The following LONRF1 variants were observed in gnomAD, a reference collection of about 807,000 sequenced individuals.
The protein encoded by LONRF1 is LON peptidase N-terminal domain and ring finger 1.
Under a neutral mutation model 85.8 loss-of-function variants are expected in LONRF1, and 37 were observed. The observed-to-expected ratio is 0.43, with a 90% CI of 0.33 to 0.57. LONRF1 has a LOEUF of 0.57. Ranked by LOEUF, LONRF1 falls within the 20% of genes least tolerant of loss-of-function variation. The probability of loss-of-function intolerance (pLI) is 0.04; values close to 1 mark genes in which losing one functional copy is unlikely to be tolerated. For synonymous variants in LONRF1, 517 were observed against 390.1 expected, an observed-to-expected ratio of 1.33 and a Z score of -3.83; for missense variants, 1,036 against 978.0, an observed-to-expected ratio of 1.06 and a Z score of -0.79.
chr8:12,743,337 C>G, intron 1 of LONRF1, 55 bp from the exon 2 acceptor site: 1 of 1,062,554 alleles, frequency 9.4e-7, no homozygotes, highest in South Asian at 1.4e-5. Flanking sequence ...ATTACATAAT[C>G]TACAAAATAT....
intron 7 of LONRF1, 35 bp downstream of exon 7, chr8:12,735,251 A>C: frequency 7.1e-7 from 1 of 1,417,294 alleles, no homozygotes. Flanking sequence ...TGCCAAACTT[A>C]AGACCAACAA....
intron 8 of LONRF1, among the ~76,000 whole-genome samples, chr8:12,730,267 T>G (rs1053620655): frequency 5.3e-5 from 8 of 152,198 alleles, no homozygotes; most frequent in African/African-American, 1.9e-4. Flanking sequence ...TAGATACTGA[T>G]CATGAATAAC....
At chr8:12,728,795 G>T in intron 10 of LONRF1, 106 bp downstream of exon 10, 2 of 1,248,566 alleles carry the variant, frequency 1.6e-6, no homozygotes, top group Non-Finnish European at 2.3e-6. Flanking sequence ...TGGTAAGGCT[G>T]TCTGATAAGA....
chr8:12,735,666 T>C, intron 6 of LONRF1: 1 of 338,064 alleles, frequency 3.0e-6, no homozygotes, highest in Non-Finnish European at 5.4e-6. Flanking sequence ...CTGGACACTA[T>C]GGCTACTAAT....
Position 12,737,981 on chromosome 8 carries a change from G to T in LONRF1, c.1113+14C>A, listed in dbSNP as rs779781330. 6.3e-7 allele frequency: 1 copy of T among 1,593,980 alleles called. No homozygotes were observed. Among genetic ancestry groups the T allele is most frequent in the African/African-American group, 1.4e-5 (1 of 73,782 alleles). ...GATACGCTAAACTCATGATAACCTT[G>T]TCTCACCCCGTACCTGCTTTGGGCT... On this transcript the variant is annotated intron_variant, in intron 4 of 11. Transcript: ENST00000398246.
At chr8:12,728,070 C>A (rs1798388684) in intron 10 of LONRF1, among the ~76,000 whole-genome samples, 2 of 152,118 alleles carry the variant, frequency 1.3e-5, no homozygotes, top group African/African-American at 4.8e-5. Flanking sequence ...TACCTAATGC[C>A]AATATCCAAT....
At chr8:12,723,400 TA>T (rs759357957) in intron 11 of LONRF1, 146 bp from the exon 12 acceptor site, 6 of 678,192 alleles carry the variant, frequency 8.8e-6, no homozygotes, top group Non-Finnish European at 1.4e-5. Context: ...ATGCAAAGTA[TA>T]AAATGGGAGA....
At chr8:12,748,901 G>C (rs1799270294) in intron 1 of LONRF1, among the ~76,000 whole-genome samples, 1 of 150,672 alleles carries the variant, frequency 6.6e-6, no homozygotes, top group African/African-American at 2.4e-5. Flanking sequence ...ATAAGCTGTT[G>C]ATCATTGATT....
At chr8:12,750,844 T>C (rs923232313) in intron 1 of LONRF1, among the ~76,000 whole-genome samples, 1 of 152,224 alleles carries the variant, frequency 6.6e-6, no homozygotes, top group Non-Finnish European at 1.5e-5. Context: ...TTGCAAGGTT[T>C]AGATTCCACT....
In LONRF1 at chr8:12,754,877, G is replaced by A. The variant is rs975934311; in HGVS notation, c.544C>T (p.Leu182=). The A allele has an allele frequency of 2.0e-6, 3 of 1,493,746 alleles. No homozygotes were observed. The highest frequency in any genetic ancestry group is 1.5e-5 in the African/African-American group (1 of 68,418). 92.5% of individuals were successfully genotyped at this position (1,493,746 alleles called of 1,614,324 possible). Residue 182 remains leucine (L), a synonymous_variant, in exon 1 of 12, where the codon CTG becomes TTG. Transcript: ENST00000398246. ...AEGTAPRPPP[L]AAAIAASDFR... ...TCTGAAGCGGCGATGGCGGCGGCCA[G>A]AGGCGGCGGCCGCGGGGCGGTCCCT...
Position 12,731,731 on chromosome 8 carries a change from CTT to C in LONRF1, c.1688+3_1688+4del, listed in dbSNP as rs1798536838. On this transcript the variant is annotated splice_donor_region_variant and intron_variant, in intron 8 of 11. Coordinates refer to ENST00000398246, the MANE Select transcript of LONRF1 (RefSeq NM_152271.5). ...TCATAATTTTTTTTATGAGAAGAAA[CTT>C]ACTGTGAGAGTTCAGCAGTTTCTTC... 6.2e-7 allele frequency: 1 copy of C among 1,608,166 alleles called. No individual in the cohort carries two copies. The highest frequency in any genetic ancestry group is 1.7e-5 in the Admixed American group (1 of 58,980).
At chr8:12,741,563 T>G (rs907445834) in intron 2 of LONRF1, among the ~76,000 whole-genome samples, 1 of 152,142 alleles carries the variant, frequency 6.6e-6, no homozygotes. Context: ...AGAAATACCA[T>G]GTCCCCACAA....
At chr8:12,738,840 T>C (rs925759736) in intron 3 of LONRF1, 1 of 152,172 alleles carries the variant, frequency 6.6e-6, no homozygotes, top group African/African-American at 2.4e-5. Context: ...TCTGATATTT[T>C]TGGTGGTCAA....
chr8:12,750,413 G>C (rs1354406315), intron 1 of LONRF1, among the ~76,000 whole-genome samples: 1 of 152,100 alleles, frequency 6.6e-6, no homozygotes, highest in African/African-American at 2.4e-5. Flanking sequence ...TCATACCTGT[G>C]ATAAACTTTA....
Position 12,722,852 on chromosome 8 carries a change from G to T in LONRF1, c.*244C>A. On this transcript the variant is annotated 3_prime_UTR_variant, in exon 12 of 12. Coordinates refer to ENST00000398246, the MANE Select transcript of LONRF1 (RefSeq NM_152271.5). ...ATTTCATTTTAGAGTATGGTACATA[G>T]TGCAACTTCACAATGTAGAGGTTCG... The T allele has an allele frequency of 2.5e-6, 1 of 405,634 alleles. No individual in the cohort carries two copies. The highest frequency in any genetic ancestry group is 3.3e-5 in the South Asian group (1 of 30,438). The allele number at this position is 405,634 out of a possible 1,614,324, so 25.1% of individuals were successfully genotyped here.
intron 10 of LONRF1, among the ~76,000 whole-genome samples, chr8:12,726,969 G>A (rs900136942): frequency 6.6e-6 from 1 of 151,992 alleles, no homozygotes; most frequent in Non-Finnish European, 1.5e-5. Flanking sequence ...TAAATTCTAT[G>A]TATATTTTAC....
In LONRF1 at chr8:12,727,268, T is replaced by C. The variant is rs1472517939; in HGVS notation, c.2011-1389A>G. ...GGCCAAAAAGCAGGCAGAGACGCTT[T>C]TAAAGTCTCTGCCTGCTTTTTGGCC... is the stretch of plus-strand genomic sequence containing the variant. On this transcript the variant is annotated intron_variant, in intron 10 of 11. Transcript: ENST00000398246. The C allele has an allele frequency of 2.0e-5, 3 of 146,740 alleles. No homozygotes were observed. The East Asian group carries it at 6.1e-4, about 30-fold the overall frequency. 9.1% of individuals were successfully genotyped at this position (146,740 alleles called of 1,614,324 possible).
intron 8 of LONRF1, among the ~76,000 whole-genome samples, chr8:12,731,506 G>A (rs1305532188): frequency 3.4e-5 from 5 of 149,058 alleles, no homozygotes; most frequent in Non-Finnish European, 4.4e-5. Flanking sequence ...TTCCTCCCCC[G>A]CCCAAAATAC....
intron 1 of LONRF1, among the ~76,000 whole-genome samples, chr8:12,751,695 T>G (rs1799413121): frequency 6.6e-6 from 1 of 151,902 alleles, no homozygotes; most frequent in Non-Finnish European, 1.5e-5. Flanking sequence ...AACCTTTTTT[T>G]TTTTTTTTAA....
Sources: gnomAD v4.1 joint callset for allele counts (sites outside exome capture counted in the v4.1 genomes callset) on GRCh38, gnomAD v4.1.1 for gene constraint, MANE v1.5 for transcripts, NCBI Gene and HGNC (gene_info 2026-07-23, HGNC 2026-07-21) for gene names.